OPN3: variants seen among roughly 807,000 people sequenced by gnomAD.
OPN3 encodes opsin-3.
A neutral mutation model predicts 33.8 loss-of-function variants in OPN3; 29 were observed. The observed-to-expected ratio is 0.86, with a 90% CI of 0.64 to 1.17. The LOEUF (loss-of-function observed/expected upper bound fraction) is 1.17, where lower values mean the gene tolerates loss of function less well. OPN3 is among the 50% of genes most tolerant of loss of function. OPN3 has a pLI of 0.00. For missense variants in OPN3, 437 were observed against 514.1 expected, an observed-to-expected ratio of 0.85 and a Z score of 1.45; for synonymous variants, 216 against 216.1, an observed-to-expected ratio of 1.00 and a Z score of 0.00.
chr1:241,611,144 A>G (rs1340960294), intron 1 of OPN3, among the ~76,000 whole-genome samples: 1 of 152,154 alleles, frequency 6.6e-6, no homozygotes, highest in Admixed American at 6.6e-5. Context: ...GTGTTTATCA[A>G]TATACAACTA....
At chr1:241,634,388 A>G in intron 1 of OPN3, 1 of 1,613,944 alleles carries the variant, frequency 6.2e-7, no homozygotes, top group Non-Finnish European at 8.5e-7. Context: ...CTGATCTGTA[A>G]TGAGTACTGC....
chr1:241,615,436 C>T (rs1664099999), intron 1 of OPN3, among the ~76,000 whole-genome samples: 1 of 152,026 alleles, frequency 6.6e-6, no homozygotes, highest in Non-Finnish European at 1.5e-5. Flanking sequence ...GCATCAGACT[C>T]TGATCCACTT....
chr1:241,605,055 C>CA (rs35256239), intron 1 of OPN3, among the ~76,000 whole-genome samples: 23,415 of 126,162 alleles, frequency 0.19, 2,060 homozygotes, highest in Non-Finnish European at 0.22. Context: ...GACCTTATCT[C>CA]AAAAAAAAAA....
intron 1 of OPN3, among the ~76,000 whole-genome samples, chr1:241,608,007 T>C (rs1034334601): frequency 2.0e-5 from 3 of 152,190 alleles, no homozygotes; most frequent in African/African-American, 7.2e-5. Context: ...AAAAAAAATC[T>C]AAAAACCTAA....
intron 1 of OPN3, among the ~76,000 whole-genome samples, chr1:241,611,918 G>C (rs866377280): frequency 1.3e-5 from 2 of 152,186 alleles, no homozygotes; most frequent in African/African-American, 4.8e-5. Context: ...TATGGTTACT[G>C]TGATAAGGAA....
At chr1:241,599,707 C>T (rs1316861253) in intron 2 of OPN3, among the ~76,000 whole-genome samples, 7 of 152,154 alleles carry the variant, frequency 4.6e-5, no homozygotes, top group African/African-American at 1.4e-4. Flanking sequence ...ATTAGAAGAT[C>T]TAAGTTTATA....
At chr1:241,634,027 A>G in intron 1 of OPN3, 1 of 1,613,776 alleles carries the variant, frequency 6.2e-7, no homozygotes, top group South Asian at 1.1e-5. Context: ...GGCCACAGTC[A>G]GGCCCAGAGC....
At chr1:241,605,055 C>CAAAAAAAAAAAAA (rs35256239) in intron 1 of OPN3, among the ~76,000 whole-genome samples, 1 of 126,304 alleles carries the variant, frequency 7.9e-6, no homozygotes, top group Non-Finnish European at 1.7e-5. Flanking sequence ...GACCTTATCT[C>CAAAAAAAAAAAAA]AAAAAAAAAA....
intron 1 of OPN3, among the ~76,000 whole-genome samples, chr1:241,618,918 T>G (rs1664204135): frequency 6.6e-6 from 1 of 151,266 alleles, no homozygotes; most frequent in Non-Finnish European, 1.5e-5. Context: ...TTCTACATCT[T>G]TAAGAAATAG....
chr1:241,597,260 G>A (rs1027123726), intron 3 of OPN3, among the ~76,000 whole-genome samples: 2 of 152,302 alleles, frequency 1.3e-5, no homozygotes, highest in East Asian at 3.9e-4. Flanking sequence ...TTGGGGATTT[G>A]AGCAAACTAG....
intron 1 of OPN3, among the ~76,000 whole-genome samples, chr1:241,616,794 A>G (rs1664144138): frequency 6.6e-6 from 1 of 152,234 alleles, no homozygotes; most frequent in African/African-American, 2.4e-5. Context: ...TTTTTCCCTC[A>G]GGGAACTAGC....
chr1:241,605,863 A>G (rs748619626), intron 1 of OPN3, among the ~76,000 whole-genome samples: 17 of 152,246 alleles, frequency 1.1e-4, no homozygotes, highest in Non-Finnish European at 2.4e-4. Context: ...CACATTGACA[A>G]AGGCTTTTAA....
chr1:241,604,097 A>G (rs151012198), intron 2 of OPN3, among the ~76,000 whole-genome samples, 163 bp downstream of exon 2: 1,589 of 152,276 alleles, frequency 0.01, 15 homozygotes, highest in Non-Finnish European at 0.017. Context: ...ATCTTTCCAG[A>G]GAGTGACTCA....
intron 1 of OPN3, among the ~76,000 whole-genome samples, chr1:241,615,070 G>C (rs1664090911): frequency 6.6e-6 from 1 of 152,120 alleles, no homozygotes; most frequent in African/African-American, 2.4e-5. Flanking sequence ...ATTACACTAA[G>C]AGACCCAAGA....
intron 1 of OPN3, chr1:241,634,713 T>G (rs758898457): frequency 1.2e-6 from 2 of 1,614,024 alleles, no homozygotes; most frequent in Admixed American, 1.7e-5. Context: ...TCTATTGTAG[T>G]GCAAGATGAT....
At chr1:241,602,807 G>A (rs968227116) in intron 2 of OPN3, among the ~76,000 whole-genome samples, 1 of 152,090 alleles carries the variant, frequency 6.6e-6, no homozygotes, top group Non-Finnish European at 1.5e-5. Flanking sequence ...TGTCACATCG[G>A]TGGTTAGAGA....
At chr1:241,598,285 C>G (rs1463457766) in intron 2 of OPN3, among the ~76,000 whole-genome samples, 1 of 152,026 alleles carries the variant, frequency 6.6e-6, no homozygotes. Context: ...ATAAGAATAA[C>G]ATTATTTTGC....
At chr1:241,608,468 A>C (rs1446485858) in intron 1 of OPN3, among the ~76,000 whole-genome samples, 1 of 152,244 alleles carries the variant, frequency 6.6e-6, no homozygotes, top group Non-Finnish European at 1.5e-5. Flanking sequence ...AAAACAAATC[A>C]AACAAGCAAA....
At chr1:241,595,486 TG>T (rs1182030118) in intron 3 of OPN3, 1 of 152,234 alleles carries the variant, frequency 6.6e-6, no homozygotes, top group African/African-American at 2.4e-5. Context: ...ACTGAAATGT[TG>T]GGGTTGCTTG....
Sources: gnomAD v4.1 joint callset for allele counts (sites outside exome capture counted in the v4.1 genomes callset) on GRCh38, gnomAD v4.1.1 for gene constraint, MANE v1.5 for transcripts, NCBI Gene and HGNC (gene_info 2026-07-23, HGNC 2026-07-21) for gene names.